The following GALNT13 variants were observed in gnomAD, a reference collection of about 807,000 sequenced individuals.
GALNT13 encodes the protein polypeptide N-acetylgalactosaminyltransferase 13, also known as UDP-GalNAc:polypeptide N-acetylgalactosaminyltransferase 13.
Under a neutral mutation model 64.2 loss-of-function variants are expected in GALNT13, and 28 were observed. That is an observed-to-expected ratio of 0.44 (90% CI 0.32 to 0.60). The LOEUF is 0.60. Among genes scored for constraint, GALNT13 ranks in the 20% least tolerant of loss-of-function variants. The pLI is 0.05. For synonymous variants in GALNT13, 214 were observed against 224.6 expected (o/e 0.95, Z 0.42); for missense variants, 577 against 669.8 (o/e 0.86, Z 1.53).
the GALNT13 span, among the ~76,000 whole-genome samples, chr2:153,108,555 A>G: frequency 6.6e-6 from 1 of 152,276 alleles, no homozygotes; most frequent in African/African-American, 2.4e-5. Flanking sequence ...TTTGTATAGA[A>G]CATTACAATA....
At chr2:153,438,565 T>C in the GALNT13 span, among the ~76,000 whole-genome samples, 1 of 152,214 alleles carries the variant, frequency 6.6e-6, no homozygotes, top group Non-Finnish European at 1.5e-5. Flanking sequence ...TCTTGCTTCA[T>C]TTCATTCATT....
the GALNT13 span, among the ~76,000 whole-genome samples, chr2:153,788,720 T>C: frequency 6.6e-6 from 1 of 151,830 alleles, no homozygotes. Context: ...TCACATGCAA[T>C]GACACCCAGG....
chr2:153,241,832 G>T, the GALNT13 span, among the ~76,000 whole-genome samples: 16 of 151,946 alleles, frequency 1.1e-4, no homozygotes, highest in Admixed American at 1.0e-3. Flanking sequence ...TTCTGTAATG[G>T]GGAGAGGGGT....
Position 154,076,733 on chromosome 2 carries a change from A to G in GALNT13, c.143-63604A>G, listed in dbSNP as rs1477851532. Among the ~76,000 whole-genome samples the G allele has an allele frequency of 4.6e-5, 7 of 151,796 alleles. No individual in the cohort carries two copies. The East Asian group carries it at 1.4e-3, about 29-fold the overall frequency. ...ATTGTCCCAATTAAACCAAGATGTGAGGTAAATCTTGAGGCAAATTTTATA... is the reference window on the plus strand; with the variant it reads ...ATTGTCCCAATTAAACCAAGATGTGGGGTAAATCTTGAGGCAAATTTTATA... On this transcript the variant is annotated intron_variant, in intron 3 of 12. Transcript: ENST00000392825.
chr2:154,156,965 A>G (rs796774569), intron 4 of GALNT13, among the ~76,000 whole-genome samples: 10 of 152,322 alleles, frequency 6.6e-5, no homozygotes, highest in African/African-American at 2.4e-4. Flanking sequence ...TCATACAGTC[A>G]TGCTGACTTG....
At chr2:153,938,209 A>G (rs1264614364) in intron 2 of GALNT13, among the ~76,000 whole-genome samples, 1 of 152,200 alleles carries the variant, frequency 6.6e-6, no homozygotes, top group Non-Finnish European at 1.5e-5. Flanking sequence ...CACCAGGGTA[A>G]CAGTTGGACT....
At chr2:153,927,141 C>T (rs1690201380) in intron 2 of GALNT13, among the ~76,000 whole-genome samples, 3 of 151,848 alleles carry the variant, frequency 2.0e-5, no homozygotes, top group Admixed American at 2.0e-4. Context: ...GAAAATGGGT[C>T]AAAAATCTTA....
chr2:153,683,895 A>G, the GALNT13 span, among the ~76,000 whole-genome samples: 3 of 151,694 alleles, frequency 2.0e-5, no homozygotes, highest in Admixed American at 6.6e-5. Flanking sequence ...CAGTGATGGC[A>G]GAAAGAAGCA....
chr2:154,167,583 T>C (rs1685103919), intron 4 of GALNT13, among the ~76,000 whole-genome samples: 1 of 152,186 alleles, frequency 6.6e-6, no homozygotes. Flanking sequence ...CTTTCCATTC[T>C]CCTTTTTTCC....
chr2:154,148,119 T>C (rs1010476048), intron 4 of GALNT13, among the ~76,000 whole-genome samples: 3 of 151,928 alleles, frequency 2.0e-5, no homozygotes, highest in Non-Finnish European at 4.4e-5. Context: ...TGTTCCCCTT[T>C]CTGTGTCCAT....
chr2:153,392,157 T>C, the GALNT13 span, among the ~76,000 whole-genome samples: 1 of 150,074 alleles, frequency 6.7e-6, no homozygotes, highest in Non-Finnish European at 1.5e-5. Flanking sequence ...ATTTTATATT[T>C]TACCATAAAA....
intron 8 of GALNT13, among the ~76,000 whole-genome samples, chr2:154,282,390 A>T (rs1692008152): frequency 6.6e-6 from 1 of 152,198 alleles, no homozygotes; most frequent in Non-Finnish European, 1.5e-5. Flanking sequence ...AAAGTAAAAT[A>T]AGCTTGCCTA....
At chr2:154,318,649 C>T (rs1694453425) in intron 9 of GALNT13, among the ~76,000 whole-genome samples, 1 of 151,062 alleles carries the variant, frequency 6.6e-6, no homozygotes, top group African/African-American at 2.4e-5. Context: ...TGCTTGAACC[C>T]AGGAGGCAGA....
At chr2:153,231,779 A>G in the GALNT13 span, among the ~76,000 whole-genome samples, 1 of 152,102 alleles carries the variant, frequency 6.6e-6, no homozygotes, top group Admixed American at 6.5e-5. Flanking sequence ...CTTGAATTTC[A>G]AAACAGCATA....
At chr2:154,377,714 A>G (rs1369940034) in intron 9 of GALNT13, among the ~76,000 whole-genome samples, 1 of 152,200 alleles carries the variant, frequency 6.6e-6, no homozygotes, top group Non-Finnish European at 1.5e-5. Flanking sequence ...TCTAGGTCCT[A>G]GGGATCTAGA....
the GALNT13 span, among the ~76,000 whole-genome samples, chr2:153,229,178 G>A: frequency 6.6e-6 from 1 of 152,152 alleles, no homozygotes; most frequent in Non-Finnish European, 1.5e-5. Context: ...GTGAATGGAA[G>A]CTTCAATTTG....
At chr2:153,517,706 A>C in the GALNT13 span, among the ~76,000 whole-genome samples, 6 of 152,314 alleles carry the variant, frequency 3.9e-5, no homozygotes, top group African/African-American at 1.4e-4. Context: ...GTAGAAGGAA[A>C]AGGGAAATAG....
At chr2:153,241,830 T>C in the GALNT13 span, among the ~76,000 whole-genome samples, 2 of 151,864 alleles carry the variant, frequency 1.3e-5, no homozygotes, top group Non-Finnish European at 2.9e-5. Flanking sequence ...CTTTCTGTAA[T>C]GGGGAGAGGG....
chr2:153,852,953 A>G, the GALNT13 span, among the ~76,000 whole-genome samples: 1 of 152,132 alleles, frequency 6.6e-6, no homozygotes, highest in African/African-American at 2.4e-5. Flanking sequence ...ACAATAGGCC[A>G]TCTGCAAGCT....
Sources: allele counts gnomAD v4.1 joint callset (sites outside exome capture counted in the v4.1 genomes callset), GRCh38; gene constraint gnomAD v4.1.1; transcripts MANE v1.5; gene names NCBI Gene and HGNC (gene_info 2026-07-23, HGNC 2026-07-21).